Variants in GALNT14 observed in about 807,000 individuals in gnomAD.
The protein encoded by GALNT14 is UDP-GalNAc:polypeptide N-acetylgalactosaminyltransferase 14.
GALNT14 carries 60 observed loss-of-function variants against 77.5 expected under a neutral mutation model. That is an observed-to-expected ratio of 0.77 (90% CI 0.63 to 0.96). The LOEUF is 0.96. Among genes scored for constraint, GALNT14 ranks in the 40% least tolerant of loss-of-function variants. The pLI is 0.00. For synonymous variants in GALNT14, 280 were observed against 281.7 expected (o/e 0.99, Z 0.06); for missense variants, 710 against 731.0 (o/e 0.97, Z 0.33).
chr2:30,964,631 GA>G (rs1667886049), intron 3 of GALNT14, among the ~76,000 whole-genome samples: 1 of 152,248 alleles, frequency 6.6e-6, no homozygotes, highest in Non-Finnish European at 1.5e-5. Flanking sequence ...GCTGGAGGAA[GA>G]AGCCAGCCTG....
At chr2:31,057,293 TTATA>T (rs10638502) in intron 1 of GALNT14, among the ~76,000 whole-genome samples, 9,811 of 128,900 alleles carry the variant, frequency 0.076, 393 homozygotes, top group East Asian at 0.11. Flanking sequence ...AAAGTTGAAA[TTATA>T]TATATATATA....
chr2:31,056,454 G>T (rs1674212831), intron 1 of GALNT14, among the ~76,000 whole-genome samples: 1 of 152,254 alleles, frequency 6.6e-6, no homozygotes, highest in Admixed American at 6.5e-5. Flanking sequence ...AAGATCCTCA[G>T]CCTCAGGGCA....
chr2:31,033,424 C>T (rs1458545540), intron 1 of GALNT14, among the ~76,000 whole-genome samples: 3 of 152,178 alleles, frequency 2.0e-5, no homozygotes, highest in African/African-American at 7.2e-5. Context: ...TTCTTCAAGC[C>T]AATTGTTTAA....
the GALNT14 span, among the ~76,000 whole-genome samples, chr2:30,892,072 G>A: frequency 6.6e-6 from 1 of 152,194 alleles, no homozygotes; most frequent in African/African-American, 2.4e-5. Context: ...ATCACCCTAT[G>A]GTTCAGCTCA....
intron 1 of GALNT14, among the ~76,000 whole-genome samples, chr2:31,042,636 C>A (rs1673171771): frequency 6.6e-6 from 1 of 152,128 alleles, no homozygotes; most frequent in Non-Finnish European, 1.5e-5. Flanking sequence ...GAGATGAAAA[C>A]CTTGGGGTAG....
chr2:30,911,085 T>C (rs1265826133), intron 14 of GALNT14, 26 bp from the exon 15 acceptor site: 4 of 1,607,214 alleles, frequency 2.5e-6, no homozygotes, highest in Non-Finnish European at 3.4e-6. Context: ...AGAGAGTGAA[T>C]GAACTAGGTG....
At chr2:31,054,315 C>T (rs1286684831) in intron 1 of GALNT14, among the ~76,000 whole-genome samples, 2 of 152,196 alleles carry the variant, frequency 1.3e-5, no homozygotes, top group Non-Finnish European at 2.9e-5. Flanking sequence ...ATGATCTTAG[C>T]GTGGCTGACT....
Position 30,910,958 on chromosome 2 carries a change from G to C in GALNT14, c.1602C>G (p.Val534=), listed in dbSNP as rs1274769856. The C allele has an allele frequency of 2.5e-6, 4 of 1,614,000 alleles. No homozygotes were observed. In the South Asian group the frequency reaches 4.4e-5, roughly 18 times the overall value. The change falls in exon 15 of 15, where the codon GTC becomes GTG. Residue 534 remains valine (V), a synonymous_variant. Coordinates refer to ENST00000349752, the MANE Select transcript of GALNT14 (RefSeq NM_024572.4). ...GDGTENGKEI[V]VNPCESSLMS... is the part of the protein sequence containing the mutation. ...TGAGTGAGGACTCACATGGGTTGACGACGATTTCCTTGCCGTTCTCGGTGC... is the reference window on the plus strand; with the variant it reads ...TGAGTGAGGACTCACATGGGTTGACCACGATTTCCTTGCCGTTCTCGGTGC...
intron 2 of GALNT14, among the ~76,000 whole-genome samples, chr2:30,988,828 G>C (rs1669482202): frequency 6.6e-6 from 1 of 152,218 alleles, no homozygotes; most frequent in Non-Finnish European, 1.5e-5. Flanking sequence ...TGAAACCTAA[G>C]AGTTTGTGTT....
At chr2:30,909,803 ACCAAC>A (rs1664255233), downstream of GALNT14, among the ~76,000 whole-genome samples, 1 of 151,956 alleles carries the variant, frequency 6.6e-6, no homozygotes, top group Non-Finnish European at 1.5e-5. Context: ...AAGACTTGCA[ACCAAC>A]CCAAATGTCC....
chr2:31,063,468 T>C (rs575894448), intron 1 of GALNT14, among the ~76,000 whole-genome samples: 7 of 152,320 alleles, frequency 4.6e-5, no homozygotes, highest in African/African-American at 1.7e-4. Flanking sequence ...TGTAATCTTG[T>C]AGTATAGTTT....
the GALNT14 span, among the ~76,000 whole-genome samples, chr2:30,903,005 G>C: frequency 6.6e-6 from 1 of 152,172 alleles, no homozygotes; most frequent in African/African-American, 2.4e-5. Context: ...TAGATGGCTT[G>C]ATTTACCCAT....
At chr2:31,065,948 A>G (rs1320653288) in intron 1 of GALNT14, among the ~76,000 whole-genome samples, 1 of 152,176 alleles carries the variant, frequency 6.6e-6, no homozygotes, top group African/African-American at 2.4e-5. Flanking sequence ...CACAGTAACA[A>G]GAGTACAGGC....
chr2:31,104,530 TC>T (rs958964708), intron 1 of GALNT14, among the ~76,000 whole-genome samples: 28 of 152,264 alleles, frequency 1.8e-4, no homozygotes, highest in Admixed American at 7.8e-4. Context: ...TTCTGAAATA[TC>T]CCAACAATGT....
intron 1 of GALNT14, among the ~76,000 whole-genome samples, chr2:31,072,263 T>TCACA (rs544087870): frequency 1.5e-4 from 12 of 80,278 alleles, no homozygotes; most frequent in East Asian, 2.7e-4. Flanking sequence ...TCTCTCTCTC[T>TCACA]CACACACACA....
At chr2:30,939,569 C>A (rs931275970) in intron 9 of GALNT14, among the ~76,000 whole-genome samples, 3 of 151,978 alleles carry the variant, frequency 2.0e-5, no homozygotes, top group Admixed American at 6.6e-5. Context: ...GAATGCCAGG[C>A]CCGGAAGGGG....
In GALNT14 at chr2:31,048,712, T is replaced by C. The variant is rs140854587; in HGVS notation, c.130-55705A>G. Among the ~76,000 whole-genome samples the C allele has an allele frequency of 3.5e-3, 532 of 151,920 alleles. 3 individuals are homozygous for C. Among genetic ancestry groups the C allele is most frequent in the Non-Finnish European group, 6.0e-3 (411 of 67,962 alleles). ...GCCCATCAGAACCACGTCTCACTTC[T>C]CTCCCCTGCCCACATGATGTGCCAG... On this transcript the variant is annotated intron_variant, in intron 1 of 14. Transcript: ENST00000349752.
rs532018907 is a variant in GALNT14 at position 30,962,302 on chromosome 2, C to G, written c.399-3838G>C. On this transcript the variant is annotated intron_variant, in intron 3 of 14. Coordinates refer to ENST00000349752, the MANE Select transcript of GALNT14 (RefSeq NM_024572.4). ...AGGCTAACTTGCTTGCTTGTGATCACACACCTGTTAAGGGCAGAGCCATGA... is the reference window on the plus strand; with the variant it reads ...AGGCTAACTTGCTTGCTTGTGATCAGACACCTGTTAAGGGCAGAGCCATGA... Among the ~76,000 whole-genome samples, 146 of 152,320 alleles carry G rather than the reference C, an allele frequency of 9.6e-4. 2 individuals are homozygous for G. Among genetic ancestry groups the G allele is most frequent in the African/African-American group, 3.4e-3 (141 of 41,572 alleles).
chr2:31,053,652 C>T (rs1007364079), intron 1 of GALNT14, among the ~76,000 whole-genome samples: 4 of 152,132 alleles, frequency 2.6e-5, no homozygotes, highest in South Asian at 2.1e-4. Flanking sequence ...ATGGTCCTGC[C>T]GCCACTAAAA....
Sources: gnomAD v4.1 joint callset for allele counts (sites outside exome capture counted in the v4.1 genomes callset) on GRCh38, gnomAD v4.1.1 for gene constraint, MANE v1.5 for transcripts, NCBI Gene and HGNC (gene_info 2026-07-23, HGNC 2026-07-21) for gene names.